The following HPSE2 variants were observed in gnomAD, a reference collection of about 807,000 sequenced individuals.
HPSE2 encodes the protein heparanase 2 (inactive).
HPSE2 carries 38 observed loss-of-function variants against 60.5 expected under a neutral mutation model. That is an observed-to-expected ratio of 0.63 (90% CI 0.48 to 0.82). The LOEUF (loss-of-function observed/expected upper bound fraction) is 0.82. HPSE2 is among the 40% of genes least tolerant of loss of function. The probability of loss-of-function intolerance (pLI) is 0.00; values close to 1 mark genes in which losing one functional copy is unlikely to be tolerated. For missense variants in HPSE2, 713 were observed against 740.4 expected, an observed-to-expected ratio of 0.96 and a Z score of 0.43; for synonymous variants, 295 against 293.2, an observed-to-expected ratio of 1.01 and a Z score of -0.06.
intron 9 of HPSE2, among the ~76,000 whole-genome samples, chr10:98,532,750 C>CT (rs1173512041): frequency 6.6e-6 from 1 of 152,098 alleles, no homozygotes; most frequent in Admixed American, 6.6e-5. Context: ...GTATAATCAG[C>CT]TTTTTTTAGC....
At chr10:98,672,524 T>A (rs946987808) in intron 6 of HPSE2, among the ~76,000 whole-genome samples, 1 of 152,188 alleles carries the variant, frequency 6.6e-6, no homozygotes, top group Non-Finnish European at 1.5e-5. Flanking sequence ...CACAGACATG[T>A]AATATAATTT....
chr10:98,549,508 T>C (rs1367257605), intron 9 of HPSE2, among the ~76,000 whole-genome samples: 1 of 152,202 alleles, frequency 6.6e-6, no homozygotes, highest in Non-Finnish European at 1.5e-5. Context: ...CAAAATTCCA[T>C]TTTAAAAACC....
intron 3 of HPSE2, among the ~76,000 whole-genome samples, chr10:98,850,026 G>A (rs1952131337): frequency 6.6e-6 from 1 of 152,178 alleles, no homozygotes; most frequent in Non-Finnish European, 1.5e-5. Context: ...TTACAGCTGT[G>A]AGGCACCACG....
intron 3 of HPSE2, among the ~76,000 whole-genome samples, chr10:98,995,968 G>A (rs1283414089): frequency 6.6e-6 from 1 of 151,852 alleles, no homozygotes; most frequent in Non-Finnish European, 1.5e-5. Context: ...AAAAGACATT[G>A]GTAAAAACTA....
chr10:99,138,137 A>G (rs1337601370), intron 3 of HPSE2, among the ~76,000 whole-genome samples: 1 of 152,266 alleles, frequency 6.6e-6, no homozygotes, highest in Non-Finnish European at 1.5e-5. Flanking sequence ...GACATATGAA[A>G]AAATGCTCAT....
intron 4 of HPSE2, among the ~76,000 whole-genome samples, chr10:98,736,432 C>G (rs1447150493): frequency 6.6e-6 from 1 of 152,204 alleles, no homozygotes; most frequent in African/African-American, 2.4e-5. Flanking sequence ...CTAACTGTGA[C>G]AGTAACCAGA....
At chr10:99,017,482 T>C (rs1288927790) in intron 3 of HPSE2, among the ~76,000 whole-genome samples, 3 of 152,152 alleles carry the variant, frequency 2.0e-5, no homozygotes, top group Non-Finnish European at 4.4e-5. Context: ...TGCCCTTAAG[T>C]TGTCTTTTTT....
At position 99,180,889 on chromosome 10, in the gene HPSE2, C is replaced by CAAA. The variant is rs68033581; in HGVS notation, c.449-36493_449-36491dup. On this transcript the variant is annotated intron_variant, in intron 2 of 11. Coordinates refer to ENST00000370552, the MANE Select transcript of HPSE2 (RefSeq NM_021828.5). ...TGGGCAACAAGGCAAGACTCCATCT[C>CAAA]AAAAAAAAAAAAAAAAAAAAAAAAA... 3.7e-4 allele frequency among the ~76,000 whole-genome samples: 11 copies of CAAA among 29,700 alleles called. 1 individual carries two copies. The highest frequency in any genetic ancestry group is 1.9e-3 in the African/African-American group (9 of 4,634). The allele number at this position is 29,700 out of a possible 152,430, so 19.5% of individuals were successfully genotyped here.
chr10:98,705,012 T>A (rs1294654698), intron 5 of HPSE2, among the ~76,000 whole-genome samples: 1 of 152,140 alleles, frequency 6.6e-6, no homozygotes. Flanking sequence ...TCTGCCCATC[T>A]AACAAAGGTC....
intron 9 of HPSE2, among the ~76,000 whole-genome samples, chr10:98,572,824 C>T (rs549561): frequency 0.85 from 129,042 of 152,230 alleles, 56,007 homozygotes; most frequent in East Asian, 1. Flanking sequence ...TACGTGGCCA[C>T]GAACAGGCAA....
chr10:98,517,200 G>T (rs970992635), intron 9 of HPSE2, among the ~76,000 whole-genome samples: 6 of 75,390 alleles, frequency 8.0e-5, no homozygotes, highest in Admixed American at 2.8e-4. Flanking sequence ...GGTGTGGGGT[G>T]GGGGGGGCGA....
chr10:98,602,062 C>T (rs1945442459), intron 9 of HPSE2, among the ~76,000 whole-genome samples: 1 of 152,142 alleles, frequency 6.6e-6, no homozygotes, highest in African/African-American at 2.4e-5. Flanking sequence ...TAAGTATTCC[C>T]AGGAGCTGAT....
chr10:99,182,680 C>T (rs1441311176), intron 2 of HPSE2, among the ~76,000 whole-genome samples: 1 of 151,880 alleles, frequency 6.6e-6, no homozygotes, highest in Admixed American at 6.6e-5. Flanking sequence ...TAACAGGAAC[C>T]AGATTAACCA....
intron 3 of HPSE2, among the ~76,000 whole-genome samples, chr10:98,846,787 G>T (rs1011677861): frequency 1.3e-5 from 2 of 152,232 alleles, no homozygotes; most frequent in East Asian, 3.9e-4. Context: ...GCCCAAGTTA[G>T]TTTCAAACTC....
chr10:98,493,924 C>T (rs1344725123), intron 9 of HPSE2, among the ~76,000 whole-genome samples: 1 of 151,886 alleles, frequency 6.6e-6, no homozygotes, highest in African/African-American at 2.4e-5. Context: ...GTTTAAATTC[C>T]TTTCTCATTA....
intron 3 of HPSE2, among the ~76,000 whole-genome samples, chr10:98,929,007 TA>T (rs1455006284): frequency 7.1e-6 from 1 of 140,762 alleles, no homozygotes; most frequent in Admixed American, 7.1e-5. Flanking sequence ...AATAAATAAA[TA>T]AATAAATAAA....
chr10:98,486,794 T>A (rs573324354), intron 10 of HPSE2, among the ~76,000 whole-genome samples: 31 of 152,340 alleles, frequency 2.0e-4, no homozygotes, highest in African/African-American at 7.5e-4. Context: ...GGTTTTGGGT[T>A]CGGTAAAAGC....
intron 3 of HPSE2, among the ~76,000 whole-genome samples, chr10:98,972,059 C>T (rs1375716765): frequency 1.3e-5 from 2 of 152,118 alleles, no homozygotes; most frequent in Non-Finnish European, 2.9e-5. Flanking sequence ...AGCCTTTCAA[C>T]GTATGGCATT....
chr10:98,983,887 A>G (rs1294834580), intron 3 of HPSE2, among the ~76,000 whole-genome samples: 1 of 152,192 alleles, frequency 6.6e-6, no homozygotes, highest in African/African-American at 2.4e-5. Flanking sequence ...ATGGAGCCTC[A>G]TTCATTGCTA....
Sources: gnomAD v4.1 joint callset for allele counts (sites outside exome capture counted in the v4.1 genomes callset) on GRCh38, gnomAD v4.1.1 for gene constraint, MANE v1.5 for transcripts, NCBI Gene and HGNC (gene_info 2026-07-23, HGNC 2026-07-21) for gene names.